Variants in TNNI3K observed in about 807,000 individuals in gnomAD.
TNNI3K encodes the protein serine/threonine-protein kinase TNNI3K.
TNNI3K carries 140 observed loss-of-function variants against 114.5 expected under a neutral mutation model. That is an observed-to-expected ratio of 1.22 (90% CI 1.07 to 1.41). The LOEUF (loss-of-function observed/expected upper bound fraction) is 1.41. Ranked by LOEUF, TNNI3K falls within the 40% of genes most tolerant of loss-of-function variation. TNNI3K has a pLI of 0.00. For missense variants in TNNI3K, 1,125 were observed against 1,007.6 expected, an observed-to-expected ratio of 1.12 and a Z score of -1.58; for synonymous variants, 347 against 347.5, an observed-to-expected ratio of 1.00 and a Z score of 0.02.
intron 21 of TNNI3K, chr1:74,464,505 T>C: frequency 1.4e-6 from 2 of 1,413,678 alleles, no homozygotes; most frequent in Non-Finnish European, 1.8e-6. Context: ...TCCTAGGCAC[T>C]TTATAGCTCT....
At position 74,354,057 on chromosome 1, in the gene TNNI3K, G is replaced by A. The variant is rs1661530505; in HGVS notation, c.1105G>A (p.Val369Met). The change falls in exon 11 of 25, where the codon GTG (valine) becomes ATG (methionine). Residue 369 changes from valine (V) to methionine (M), a missense_variant. Coordinates refer to ENST00000326637, the MANE Select transcript of TNNI3K (RefSeq NM_015978.3). ...GGATAATGGAGCTGATATGAATCTA[G>A]TGGCTTGTGATCCCAGCAGGTCTAG... ...LLDNGADMNL[V>M]ACDPSRSSGE... is the part of the protein sequence containing the mutation. 6.2e-7 allele frequency: 1 copy of A among 1,613,956 alleles called. No homozygotes were observed. The highest frequency in any genetic ancestry group is 8.5e-7 in the Non-Finnish European group (1 of 1,180,014).
intron 20 of TNNI3K, among the ~76,000 whole-genome samples, chr1:74,461,784 A>T (rs1376801203): frequency 1.3e-5 from 2 of 152,224 alleles, no homozygotes; most frequent in Admixed American, 6.5e-5. Context: ...CCTTTGGCAC[A>T]TCATCTTCTC....
chr1:74,518,880 T>A lies in TNNI3K; in HGVS notation c.2352-21354T>A, dbSNP rs1409627529. Reference sequence around the variant, plus strand: ...TTATTTTATTTTTTTTCCCCTTTTTTTTTTTTTTTTTTTTATTATACTCTA... The same window carrying A: ...TTATTTTATTTTTTTTCCCCTTTTTATTTTTTTTTTTTTTATTATACTCTA... On this transcript the variant is annotated intron_variant, in intron 23 of 24. Coordinates refer to ENST00000326637, the MANE Select transcript of TNNI3K (RefSeq NM_015978.3). 1.7e-5 allele frequency among the ~76,000 whole-genome samples: 2 copies of A among 119,328 alleles called. 1 individual carries two copies. The highest frequency in any genetic ancestry group is 9.5e-5 in the African/African-American group (2 of 21,088). The allele number at this position is 119,328 out of a possible 152,430, so 78.3% of individuals were successfully genotyped here.
At chr1:74,528,943 G>A (rs1282196169) in intron 23 of TNNI3K, among the ~76,000 whole-genome samples, 2 of 152,136 alleles carry the variant, frequency 1.3e-5, no homozygotes, top group African/African-American at 4.8e-5. Context: ...GCACCAGAAA[G>A]GAGAAAGATA....
chr1:74,538,670 A>AT (rs1184980591), intron 23 of TNNI3K, among the ~76,000 whole-genome samples: 1 of 152,208 alleles, frequency 6.6e-6, no homozygotes, highest in African/African-American at 2.4e-5. Context: ...CTCCTCTGCC[A>AT]TTCAGGCCTG....
intron 17 of TNNI3K, among the ~76,000 whole-genome samples, chr1:74,424,265 A>G (rs544667251): frequency 1.3e-5 from 2 of 151,394 alleles, no homozygotes; most frequent in East Asian, 3.9e-4. Flanking sequence ...GGTATGATAT[A>G]AAGCCTAAAA....
chr1:74,310,201 C>A (rs1658905073), intron 5 of TNNI3K, among the ~76,000 whole-genome samples: 1 of 152,092 alleles, frequency 6.6e-6, no homozygotes, highest in Admixed American at 6.5e-5. Flanking sequence ...AATGCAATCC[C>A]ACTTACAAGA....
intron 21 of TNNI3K, among the ~76,000 whole-genome samples, chr1:74,477,221 A>T (rs1462700846): frequency 6.6e-6 from 1 of 152,126 alleles, no homozygotes; most frequent in Non-Finnish European, 1.5e-5. Context: ...GGGTAAGAAA[A>T]CTCAAGATTC....
At chr1:74,246,838 A>AAACAT (rs1654591790) in intron 2 of TNNI3K, among the ~76,000 whole-genome samples, 1 of 152,208 alleles carries the variant, frequency 6.6e-6, no homozygotes, top group Admixed American at 6.5e-5. Flanking sequence ...GCTGTTTTCA[A>AAACAT]AGTGGAAAAA....
intron 4 of TNNI3K, among the ~76,000 whole-genome samples, chr1:74,269,524 A>G (rs1483015237): frequency 2.0e-5 from 3 of 151,790 alleles, no homozygotes; most frequent in Admixed American, 1.3e-4. Flanking sequence ...CTAGTTAGGA[A>G]GCTGCGTAAT....
At chr1:74,491,985 A>G in intron 22 of TNNI3K, 112 bp from the exon 23 acceptor site, 2 of 1,356,860 alleles carry the variant, frequency 1.5e-6, no homozygotes, top group Admixed American at 2.5e-5. Flanking sequence ...CTGAGTGAAT[A>G]GAAATTAAAA....
At chr1:74,489,521 A>G (rs1668942462) in intron 22 of TNNI3K, among the ~76,000 whole-genome samples, 1 of 152,226 alleles carries the variant, frequency 6.6e-6, no homozygotes, top group African/African-American at 2.4e-5. Flanking sequence ...TGATAAGTAA[A>G]AATTGGAAAG....
Position 74,331,544 on chromosome 1 carries a change from A to G in TNNI3K, c.539A>G (p.Glu180Gly), listed in dbSNP as rs942437559. The change falls in exon 6 of 25, where the codon GAA (glutamate) becomes GGA (glycine). Residue 180 changes from glutamate (E) to glycine (G), a missense_variant. By Grantham distance (98) the Glu-to-Gly change is moderately conservative. Coordinates refer to ENST00000326637, the MANE Select transcript of TNNI3K (RefSeq NM_015978.3). ...PLHIAAYYGH[E>G]QVTRLLLKFG... ...CATATTGCAGCGTACTATGGACATGAACAGGTAAGTCTGACAGTAGGATTT... is the reference window on the plus strand; with the variant it reads ...CATATTGCAGCGTACTATGGACATGGACAGGTAAGTCTGACAGTAGGATTT... The G allele has an allele frequency of 6.2e-7, 1 of 1,610,382 alleles. No homozygotes were observed. The highest frequency in any genetic ancestry group is 1.3e-5 in the African/African-American group (1 of 74,898).
rs758097600 is a variant in TNNI3K at position 74,492,235 on chromosome 1, A to C, written c.2320A>C (p.Asn774His). The C allele has an allele frequency of 6.2e-7, 1 of 1,611,614 alleles. No individual in the cohort carries two copies. Among genetic ancestry groups the C allele is most frequent in the South Asian group, 1.1e-5 (1 of 90,762 alleles). The change falls in exon 23 of 25, where the codon AAT (asparagine) becomes CAT (histidine). Residue 774 changes from asparagine (N) to histidine (H), a missense_variant. Asn to His is a moderately conservative substitution (Grantham distance 68, BLOSUM62 1). Transcript: ENST00000326637. ...TCGTTTCGAATTGGAATATGCTCTA[A>C]ATGCAAGGTCCTATGCTGCTTTGTC... ...RSRFELEYAL[N>H]ARSYAALSQS...
At chr1:74,399,317 A>G (rs1286952342) in intron 17 of TNNI3K, among the ~76,000 whole-genome samples, 2 of 152,140 alleles carry the variant, frequency 1.3e-5, no homozygotes, top group African/African-American at 4.8e-5. Flanking sequence ...AGGTAGGACT[A>G]CTGACCTTCC....
chr1:74,396,958 G>A lies in TNNI3K; in HGVS notation c.1772+26566G>A, dbSNP rs575404148. Among the ~76,000 whole-genome samples the A allele has an allele frequency of 1.1e-4, 17 of 152,302 alleles. No homozygotes were observed. The East Asian group carries it at 1.5e-3, about 14-fold the overall frequency. ...AGACTGATGGATGGAATGAGAAAAC[G>A]ATTGAGGAATTACTGAGGGAAGCTC... On this transcript the variant is annotated intron_variant, in intron 17 of 24. Transcript: ENST00000326637.
intron 19 of TNNI3K, among the ~76,000 whole-genome samples, chr1:74,437,461 ATG>A: frequency 6.6e-6 from 1 of 152,156 alleles, no homozygotes; most frequent in South Asian, 2.1e-4. Context: ...GAGTAAATGA[ATG>A]GAGAGTGATG....
intron 23 of TNNI3K, among the ~76,000 whole-genome samples, chr1:74,528,137 G>T (rs1646531550): frequency 6.6e-6 from 1 of 152,174 alleles, no homozygotes; most frequent in Non-Finnish European, 1.5e-5. Flanking sequence ...ATGGTAAGCA[G>T]GACATCCTAC....
intron 17 of TNNI3K, among the ~76,000 whole-genome samples, chr1:74,413,520 T>C (rs1324530426): frequency 6.6e-6 from 1 of 152,200 alleles, no homozygotes; most frequent in Non-Finnish European, 1.5e-5. Flanking sequence ...TCTGATATGT[T>C]AATGTTTAAG....
Sources: allele counts gnomAD v4.1 joint callset (sites outside exome capture counted in the v4.1 genomes callset), GRCh38; gene constraint gnomAD v4.1.1; transcripts MANE v1.5; gene names NCBI Gene and HGNC (gene_info 2026-07-23, HGNC 2026-07-21).